Variants in TOM1 observed in about 807,000 individuals in gnomAD.
TOM1 encodes the protein target of myb1 membrane trafficking protein.
In TOM1, 38 loss-of-function variants were observed where a neutral mutation model predicts 61.3. The ratio of observed to expected loss-of-function variants is 0.62; its 90% CI spans 0.48 to 0.81. The LOEUF (loss-of-function observed/expected upper bound fraction) is 0.81, where lower values mean the gene tolerates loss of function less well. Ranked by LOEUF, TOM1 falls within the 40% of genes least tolerant of loss-of-function variation. The pLI, the probability that TOM1 is intolerant of heterozygous loss-of-function variation, is 0.00. For missense variants in TOM1, 591 were observed against 659.6 expected (o/e 0.90, Z 1.14); for synonymous variants, 270 against 268.8 (o/e 1.00, Z -0.04).
Position 35,317,884 on chromosome 22 carries a change from C to T in TOM1, c.60C>T (p.Ala20=), listed in dbSNP as rs764304250. ...CTCCTGGTTTCTTCTCAGAGAAAGC[C>T]ACAGATGGCTCCCTGCAGAGCGAGG... ...SSPVGQRIEK[A]TDGSLQSEDW... is the part of the protein sequence containing the mutation. The change falls in exon 2 of 15, where the codon GCC becomes GCT. Residue 20 remains alanine, a synonymous_variant. Coordinates refer to ENST00000449058, the MANE Select transcript of TOM1 (RefSeq NM_005488.3). 21 of 1,613,920 alleles carry T rather than the reference C, an allele frequency of 1.3e-5. No homozygotes were observed. Among genetic ancestry groups the T allele is most frequent in the African/African-American group, 2.7e-5 (2 of 74,912 alleles).
At chr22:35,332,448 T>C (rs549644957) in intron 8 of TOM1, among the ~76,000 whole-genome samples, 2 of 152,314 alleles carry the variant, frequency 1.3e-5, no homozygotes, top group South Asian at 2.1e-4. Flanking sequence ...CCCGAGGTCA[T>C]GTGATAAGTG....
chr22:35,333,317 G>A, intron 9 of TOM1, 87 bp from the exon 10 acceptor site: 2 of 1,285,556 alleles, frequency 1.6e-6, no homozygotes, highest in South Asian at 1.2e-5. Flanking sequence ...AGATCCCTGG[G>A]CAAAGCCTGC....
Position 35,321,961 on chromosome 22 carries a change from C to T in TOM1, c.140C>T (p.Pro47Leu), listed in dbSNP as rs752987703. 1 of 1,614,026 alleles carries T rather than the reference C, an allele frequency of 6.2e-7. No homozygotes were observed. The highest frequency in any genetic ancestry group is 1.1e-5 in the South Asian group (1 of 91,080). The change falls in exon 3 of 15, where the codon CCC becomes CTC. Residue 47 changes from proline to leucine, a missense_variant and splice_region_variant. By Grantham distance (98) the Pro-to-Leu change is moderately conservative. Transcript: ENST00000449058. Reference sequence around the variant, plus strand: ...ACCCTTTTTCTTGTCCTCCTTAGTCCCAAAGATGCCCTCCGAGCAGTAAAG... The same window carrying T: ...ACCCTTTTTCTTGTCCTCCTTAGTCTCAAAGATGCCCTCCGAGCAGTAAAG... The part of the protein sequence containing the change: ...CDIINETEEG[P>L]KDALRAVKKR...
At chr22:35,334,794 CCTAGGG>C (rs1436604653) in intron 11 of TOM1, among the ~76,000 whole-genome samples, 2 of 152,100 alleles carry the variant, frequency 1.3e-5, no homozygotes, top group Non-Finnish European at 2.9e-5. Flanking sequence ...AGGTTAGGAG[CCTAGGG>C]CTGTCTGGTT....
intron 13 of TOM1, 40 bp from the exon 14 acceptor site, chr22:35,346,890 G>T (rs765356262): frequency 2.5e-6 from 4 of 1,599,224 alleles, no homozygotes; most frequent in Non-Finnish European, 2.6e-6. Flanking sequence ...CGTACTGGGG[G>T]CCCGGCTAAC....
At chr22:35,310,158 G>A (rs1926695868) in intron 1 of TOM1, among the ~76,000 whole-genome samples, 1 of 152,244 alleles carries the variant, frequency 6.6e-6, no homozygotes, top group Admixed American at 6.5e-5. Context: ...ATCCAGAGGG[G>A]TCGGTCAGAA....
In TOM1 at chr22:35,299,940, C is replaced by G. The variant is rs1569013251; in HGVS notation, c.12C>G (p.Leu4=). 1 of 1,583,684 alleles carries G rather than the reference C, an allele frequency of 6.3e-7. No individual in the cohort carries two copies. The highest frequency in any genetic ancestry group is 1.3e-5 in the African/African-American group (1 of 74,566). Residue 4 remains leucine, a synonymous_variant, in exon 1 of 15, where the codon CTC becomes CTG. Coordinates refer to ENST00000449058, the MANE Select transcript of TOM1 (RefSeq NM_005488.3). Reference sequence around the variant, plus strand: ...CGGCGGTAGCAGCAATGGACTTTCTCCTGGGGAACCCGTTCAGCTCTCCAG... The same window carrying G: ...CGGCGGTAGCAGCAATGGACTTTCTGCTGGGGAACCCGTTCAGCTCTCCAG... MDF[L]LGNPFSSPVG...
intron 7 of TOM1, among the ~76,000 whole-genome samples, chr22:35,327,793 C>T (rs909045450): frequency 1.3e-5 from 2 of 152,162 alleles, no homozygotes; most frequent in Non-Finnish European, 2.9e-5. Context: ...ACTCAGCAGG[C>T]AGGTGTGAGA....
At position 35,319,123 on chromosome 22, in the gene TOM1, G is replaced by A. The variant is rs111716568; in HGVS notation, c.137+1162G>A. On this transcript the variant is annotated intron_variant, in intron 2 of 14. Coordinates refer to ENST00000449058, the MANE Select transcript of TOM1 (RefSeq NM_005488.3). Reference sequence around the variant, plus strand: ...GTGAGGGAAGGAGTGGTGGGCAGAGGTCAGAAGAAAGAAAGCAGGAGGCAG... The same window carrying A: ...GTGAGGGAAGGAGTGGTGGGCAGAGATCAGAAGAAAGAAAGCAGGAGGCAG... 3.9e-3 allele frequency among the ~76,000 whole-genome samples: 597 copies of A among 152,290 alleles called. 3 individuals are homozygous for A. The Middle Eastern group carries it at 0.054, about 14-fold the overall frequency.
intron 8 of TOM1, chr22:35,331,243 G>A (rs1356783457): frequency 6.9e-6 from 3 of 432,444 alleles, no homozygotes; most frequent in African/African-American, 4.1e-5. Context: ...CTACAGGCAT[G>A]CACCACCACA....
chr22:35,333,165 T>A (rs1042291357), intron 9 of TOM1, 151 bp downstream of exon 9: 62 of 947,086 alleles, frequency 6.5e-5, no homozygotes, highest in Non-Finnish European at 9.4e-5. Context: ...TATGTCCCTG[T>A]CCCTTTAAGG....
chr22:35,342,977 C>T (rs1373206863), intron 12 of TOM1, among the ~76,000 whole-genome samples: 1 of 129,594 alleles, frequency 7.7e-6, no homozygotes, highest in African/African-American at 2.9e-5. Context: ...CACACCTACA[C>T]ACTCATACAC....
chr22:35,334,828 C>T (rs1332254510), intron 11 of TOM1, among the ~76,000 whole-genome samples: 5 of 133,960 alleles, frequency 3.7e-5, no homozygotes, highest in Non-Finnish European at 8.0e-5. Flanking sequence ...ACAGTGTCTC[C>T]ACCCCCCGCC....
At position 35,334,420 on chromosome 22, in the gene TOM1, G is replaced by T. The variant is rs1309229847; in HGVS notation, c.1120G>T (p.Gly374Cys). The T allele has an allele frequency of 6.2e-7, 1 of 1,614,112 alleles. No homozygotes were observed. Among genetic ancestry groups the T allele is most frequent in the Admixed American group, 1.7e-5 (1 of 60,022 alleles). ...DEFDMFALTR[G>C]SSLADQRKEV... ...GTTTGACATGTTTGCGCTGACACGG[G>T]GCAGCTCACTGGCTGACCAACGGAA... Residue 374 changes from glycine to cysteine, a missense_variant, in exon 11 of 15, where the codon GGC (glycine) becomes TGC (cysteine). Coordinates refer to ENST00000449058, the MANE Select transcript of TOM1 (RefSeq NM_005488.3).
intron 11 of TOM1, among the ~76,000 whole-genome samples, chr22:35,335,102 G>A (rs969671149): frequency 3.9e-5 from 6 of 152,136 alleles, no homozygotes; most frequent in Non-Finnish European, 8.8e-5. Flanking sequence ...CCCCTTGCCG[G>A]GACCTGCGGG....
At chr22:35,337,445 C>T (rs1300933467) in intron 11 of TOM1, among the ~76,000 whole-genome samples, 1 of 152,234 alleles carries the variant, frequency 6.6e-6, no homozygotes, top group Non-Finnish European at 1.5e-5. Context: ...TCCAGCAGGG[C>T]CCTGCCGTAG....
At chr22:35,339,761 G>A (rs1260764286) in intron 12 of TOM1, among the ~76,000 whole-genome samples, 4 of 151,942 alleles carry the variant, frequency 2.6e-5, no homozygotes, top group African/African-American at 2.4e-5. Context: ...AAAATTAGCC[G>A]GGCGTGGTGG....
chr22:35,323,086 A>G lies in TOM1; in HGVS notation c.275A>G (p.Gln92Arg). ...GHRFHVLVAS[Q>R]DFVESVLVRT... ...CGCTTCCACGTGCTGGTGGCCAGCC[A>G]GGACTTCGTGGAGAGTGTGCTGGTG... The change falls in exon 4 of 15, where the codon CAG becomes CGG. Residue 92 changes from glutamine (Q) to arginine (R), a missense_variant. By Grantham distance (43) the Gln-to-Arg change is conservative (BLOSUM62 1). Transcript: ENST00000449058. The surrounding 1 kb of genome is among the most constrained non-coding windows in gnomAD (Gnocchi z 4.2). The G allele has an allele frequency of 6.2e-7, 1 of 1,614,204 alleles. No homozygotes were observed.
chr22:35,338,723 G>T lies in TOM1; in HGVS notation c.1159G>T (p.Glu387Ter). 1 of 1,589,622 alleles carries T rather than the reference G, an allele frequency of 6.3e-7. No individual in the cohort carries two copies. The highest frequency in any genetic ancestry group is 2.3e-5 in the East Asian group (1 of 43,680). ...TGGTCTCTCTTTCAGGGTAAAATAC[G>T]AAGCCCCCCAAGCAACAGACGGCCT... ...LADQRKEVKYEAPQATDGLAG... is the reference protein window; with the variant it reads ...LADQRKEVKY The change falls in exon 12 of 15, where the codon GAA becomes TAA. Residue 387 changes from glutamate (E) to a stop codon, truncating the protein, a stop_gained. Transcript: ENST00000449058. LOFTEE classifies it high-confidence loss of function.
Sources: allele counts gnomAD v4.1 joint callset (sites outside exome capture counted in the v4.1 genomes callset), GRCh38; gene constraint gnomAD v4.1.1; non-coding constraint Gnocchi (gnomAD v3.1); transcripts MANE v1.5; gene names NCBI Gene and HGNC (gene_info 2026-07-23, HGNC 2026-07-21).